NLRP13: variants seen among roughly 807,000 people sequenced by gnomAD.
NLRP13 encodes NACHT, LRR and PYD domains-containing protein 13.
In NLRP13, 82 loss-of-function variants were observed where a neutral mutation model predicts 94.4. The observed-to-expected ratio is 0.87, with a 90% CI of 0.73 to 1.04. The LOEUF is 1.04. NLRP13 is among the 50% of genes least tolerant of loss of function. The pLI, the probability that NLRP13 is intolerant of heterozygous loss-of-function variation, is 0.00. For missense variants in NLRP13, 1,426 were observed against 1,230.8 expected (o/e 1.16, Z -2.37); for synonymous variants, 553 against 464.7 (o/e 1.19, Z -2.45).
At chr19:55,918,235 A>G (rs1428453352) in intron 4 of NLRP13, among the ~76,000 whole-genome samples, 1 of 142,364 alleles carries the variant, frequency 7.0e-6, no homozygotes, top group Non-Finnish European at 1.5e-5. Flanking sequence ...ACAACATATC[A>G]AAACCTCTGT....
At chr19:55,927,856 T>C (rs1479733870) in intron 1 of NLRP13, among the ~76,000 whole-genome samples, 1 of 152,100 alleles carries the variant, frequency 6.6e-6, no homozygotes, top group Non-Finnish European at 1.5e-5. Flanking sequence ...AGCCTTTGAA[T>C]CCAGACATCC....
downstream of NLRP13, among the ~76,000 whole-genome samples, chr19:55,892,961 G>A (rs934445479): frequency 1.3e-5 from 2 of 152,280 alleles, no homozygotes; most frequent in Non-Finnish European, 2.9e-5. Context: ...GCATTGACAT[G>A]GAACCAACCT....
rs373905610 is a variant in NLRP13, at chr19:55,924,721, T to C, written c.389-63A>G. 4.8e-6 allele frequency: 7 copies of C among 1,449,736 alleles called. No homozygotes were observed. In the East Asian group the frequency reaches 6.8e-5, roughly 14 times the overall value. The allele number at this position is 1,449,736 out of a possible 1,614,324, so 89.8% of individuals were successfully genotyped here. ...CAGAGTGAAAATGGGCCAGCAATAATGGAAGCCCCCAGTAGAACCAACTTT... is the reference window on the plus strand; with the variant it reads ...CAGAGTGAAAATGGGCCAGCAATAACGGAAGCCCCCAGTAGAACCAACTTT... On this transcript the variant is annotated intron_variant, in intron 2 of 10. Transcript: ENST00000342929.
chr19:55,924,073 G>T, intron 3 of NLRP13, 94 bp from the exon 4 acceptor site: 1 of 940,244 alleles, frequency 1.1e-6, no homozygotes, highest in Non-Finnish European at 1.7e-6. Context: ...CTCTTTCTAT[G>T]GCAAACTTGA....
Position 55,912,543 on chromosome 19 carries a change from G to C in NLRP13, c.1274C>G (p.Pro425Arg). ...NETLFHSCSA[P>R]MVCWTVCSCL... The stretch of plus-strand genomic sequence containing the variant: ...GGAACATACGGTCCAACACACCATG[G>C]GGGCACTGCAGGAATGAAAGAGAGT... Residue 425 changes from proline (P) to arginine (R), a missense_variant, in exon 5 of 11, where the codon CCC (proline) becomes CGC (arginine). Physicochemically the swap from Pro to Arg is moderately radical, Grantham distance 103 (BLOSUM62 -2). Transcript: ENST00000342929. 2.5e-6 allele frequency: 4 copies of C among 1,614,072 alleles called. No homozygotes were observed. The highest frequency in any genetic ancestry group is 1.3e-5 in the African/African-American group (1 of 75,030).
intron 5 of NLRP13, among the ~76,000 whole-genome samples, 196 bp from the exon 6 acceptor site, chr19:55,910,929 A>G (rs1008716263): frequency 6.6e-6 from 1 of 152,196 alleles, no homozygotes; most frequent in African/African-American, 2.4e-5. Flanking sequence ...CATGGCCAAC[A>G]TGGTGAAGCC....
Position 55,914,603 on chromosome 19 carries a change from C to A in NLRP13, c.524-1310G>T, listed in dbSNP as rs1293807474. On this transcript the variant is annotated intron_variant, in intron 4 of 10. Transcript: ENST00000342929. ...ATGGTAATCACCATTCTACTTTCTA[C>A]TTCTATGAGTTCAAGATTCTTAGAT... 5.3e-5 allele frequency among the ~76,000 whole-genome samples: 8 copies of A among 152,156 alleles called. No homozygotes were observed. The East Asian group carries it at 1.5e-3, about 29-fold the overall frequency.
intron 5 of NLRP13, 57 bp from the exon 6 acceptor site, chr19:55,910,790 A>G (rs1305760003): frequency 1.5e-5 from 21 of 1,379,994 alleles, no homozygotes; most frequent in Non-Finnish European, 2.0e-5. Context: ...AGCAATACCC[A>G]GAATACAACC....
chr19:55,931,756 A>G (rs1322736307), intron 1 of NLRP13, among the ~76,000 whole-genome samples: 1 of 150,144 alleles, frequency 6.7e-6, no homozygotes, highest in East Asian at 2.0e-4. Flanking sequence ...AAGGCTTATA[A>G]CATAACTGAA....
chr19:55,907,799 A>G lies in NLRP13; in HGVS notation c.2440T>C (p.Tyr814His). 5 of 1,613,810 alleles carry G rather than the reference A, an allele frequency of 3.1e-6. No homozygotes were observed. The highest frequency in any genetic ancestry group is 2.2e-5 in the South Asian group (2 of 91,022). ...AGGGAGCCAAAGACTTACCACAGAT[A>G]CTTGAGGTTGCAAGCTGAGTGTCTC... ...ALRHSACNLK[Y>H]LCLEKCNLSA... is the part of the protein sequence containing the mutation. The change falls in exon 7 of 11, where the codon TAT (tyrosine) becomes CAT (histidine). Residue 814 changes from tyrosine to histidine, a missense_variant. Transcript: ENST00000342929.
chr19:55,905,192 C>T lies in NLRP13; in HGVS notation c.2448-80G>A, dbSNP rs900658286. The T allele has an allele frequency of 4.2e-6, 6 of 1,428,162 alleles. No homozygotes were observed. The African/African-American group carries it at 8.6e-5, about 21-fold the overall frequency. The allele number at this position is 1,428,162 out of a possible 1,614,324, so 88.5% of individuals were successfully genotyped here. A position where few individuals can be genotyped will look rare whatever the true frequency, so the allele number is the denominator to read the frequency against. ...ACCTTTCTCTCTCAACCCCTTAACCCCCGAGACCCAAACATTATGGGAAGA... is the reference window on the plus strand; with the variant it reads ...ACCTTTCTCTCTCAACCCCTTAACCTCCGAGACCCAAACATTATGGGAAGA... On this transcript the variant is annotated intron_variant, in intron 7 of 10. Transcript: ENST00000342929.
At chr19:55,924,109 A>T in intron 3 of NLRP13, 130 bp from the exon 4 acceptor site, 1 of 710,240 alleles carries the variant, frequency 1.4e-6, no homozygotes, top group Non-Finnish European at 2.5e-6. Context: ...AGAAATCAGC[A>T]TGCCCAGTTT....
intron 10 of NLRP13, among the ~76,000 whole-genome samples, chr19:55,896,518 CAAA>C (rs776309030): frequency 1.4e-4 from 13 of 90,152 alleles, no homozygotes; most frequent in Non-Finnish European, 1.3e-4. Flanking sequence ...GATTCTGTCT[CAAA>C]AAAAAAAAAA....
chr19:55,902,019 A>G lies in NLRP13; in HGVS notation c.2789+16T>C. 1 of 1,613,130 alleles carries G rather than the reference A, an allele frequency of 6.2e-7. No homozygotes were observed. Among genetic ancestry groups the G allele is most frequent in the East Asian group, 2.2e-5 (1 of 44,842 alleles). Reference sequence around the variant, plus strand: ...CTCCTCCATCTGCCAACTCAGAGGGAGCCAAGAAAACTTACTTCAGGCTCT... The same window carrying G: ...CTCCTCCATCTGCCAACTCAGAGGGGGCCAAGAAAACTTACTTCAGGCTCT... On this transcript the variant is annotated intron_variant, in intron 9 of 10. Transcript: ENST00000342929.
At chr19:55,920,258 C>A (rs1000793926) in intron 4 of NLRP13, among the ~76,000 whole-genome samples, 1 of 152,100 alleles carries the variant, frequency 6.6e-6, no homozygotes, top group African/African-American at 2.4e-5. Context: ...GTTTTCTGGA[C>A]ATTGCCTTGG....
intron 5 of NLRP13, 53 bp downstream of exon 5, chr19:55,911,653 A>G (rs1986513093): frequency 3.4e-6 from 5 of 1,491,540 alleles, no homozygotes; most frequent in Non-Finnish European, 4.5e-6. Context: ...GAATTTGCAC[A>G]GAGCCTGAGA....
At chr19:55,918,667 A>T (rs897923537) in intron 4 of NLRP13, among the ~76,000 whole-genome samples, 3 of 152,150 alleles carry the variant, frequency 2.0e-5, no homozygotes, top group Admixed American at 2.0e-4. Flanking sequence ...ACCAAGATTG[A>T]ATCAGGAATA....
At chr19:55,908,204 C>A (rs1425568563) in intron 6 of NLRP13, among the ~76,000 whole-genome samples, 2 of 152,116 alleles carry the variant, frequency 1.3e-5, no homozygotes, top group Non-Finnish European at 2.9e-5. Context: ...TCCCTCTCCA[C>A]CTCTCCTAGA....
chr19:55,912,851 G>T lies in NLRP13; in HGVS notation c.966C>A (p.Arg322=). Residue 322 remains arginine, a synonymous_variant, in exon 5 of 11, where the codon CGC becomes CGA. Coordinates refer to ENST00000342929, the MANE Select transcript of NLRP13 (RefSeq NM_176810.2). ...GFEEIIISES[R]SESLDDGSPC... is the part of the protein sequence containing the mutation. The stretch of plus-strand genomic sequence containing the variant: ...GCGAGCCATCATCCAAGCTCTCAGA[G>T]CGTGACTCAGATATGATTATTTCCT... The T allele has an allele frequency of 6.2e-7, 1 of 1,614,192 alleles. No individual in the cohort carries two copies. Among genetic ancestry groups the T allele is most frequent in the Non-Finnish European group, 8.5e-7 (1 of 1,180,038 alleles).
Sources: gnomAD v4.1 joint callset for allele counts (sites outside exome capture counted in the v4.1 genomes callset) on GRCh38, gnomAD v4.1.1 for gene constraint, MANE v1.5 for transcripts, NCBI Gene and HGNC (gene_info 2026-07-23, HGNC 2026-07-21) for gene names.